Variants in ME2 observed in about 807,000 individuals in gnomAD.
ME2 encodes malic enzyme 2, also known as NAD-dependent malic enzyme, mitochondrial.
Under a neutral mutation model 73.7 loss-of-function variants are expected in ME2, and 60 were observed. The ratio of observed to expected loss-of-function variants is 0.81; its 90% confidence interval spans 0.66 to 1.01. ME2 has a LOEUF of 1.01. Ranked by LOEUF, ME2 falls within the 50% of genes least tolerant of loss-of-function variation. The pLI is 0.00. For missense variants in ME2, 594 were observed against 705.5 expected, an observed-to-expected ratio of 0.84 and a Z score of 1.79; for synonymous variants, 199 against 236.9, an observed-to-expected ratio of 0.84 and a Z score of 1.47.
rs1471575144 is a variant in ME2, at chr18:50,917,437, T to G, written c.559T>G (p.Tyr187Asp). 1.2e-6 allele frequency: 2 copies of G among 1,613,824 alleles called. No homozygotes were observed. The highest frequency in any genetic ancestry group is 3.3e-5 in the Admixed American group (2 of 60,012). ...MGIPVGKLCLYTACAGIRPDR... is the reference protein window; with the variant it reads ...MGIPVGKLCLDTACAGIRPDR... ...AATTCCAGTAGGAAAACTTTGTTTG[T>G]ATACAGCTTGTGCAGGAATACGGCC... Residue 187 changes from tyrosine (Y) to aspartate (D), a missense_variant, in exon 6 of 16, where the codon TAT becomes GAT. Coordinates refer to ENST00000321341, the MANE Select transcript of ME2 (RefSeq NM_002396.5).
intron 13 of ME2, chr18:50,935,187 C>T (rs1329663295): frequency 1.3e-5 from 2 of 151,986 alleles, no homozygotes; most frequent in Non-Finnish European, 1.5e-5. Flanking sequence ...ATAATGGCAT[C>T]CTAGTCCTCA....
At position 50,951,961 on chromosome 18, in the gene ME2, T is replaced by C. The variant is rs995958645; in HGVS notation, c.*4777T>C. ...GGTCAGCTCTGGTGAGCCTATGTAA[T>C]ACTCGAGAACATTAATATAAACCCA... On this transcript the variant is annotated 3_prime_UTR_variant, in exon 16 of 16. Coordinates refer to ENST00000321341, the MANE Select transcript of ME2 (RefSeq NM_002396.5). 6.9e-6 allele frequency: 1 copy of C among 145,610 alleles called. No homozygotes were observed. The highest frequency in any genetic ancestry group is 1.5e-5 in the Non-Finnish European group (1 of 66,880). 9.0% of individuals were successfully genotyped at this position (145,610 alleles called of 1,614,324 possible). A position where few individuals can be genotyped will look rare whatever the true frequency, so the allele number is the denominator to read the frequency against.
intron 3 of ME2, 141 bp downstream of exon 3, chr18:50,908,337 GTTTC>G (rs2144217684): frequency 1.8e-6 from 1 of 565,764 alleles, no homozygotes; most frequent in African/African-American, 1.9e-5. Context: ...TAAAGATTGT[GTTTC>G]TTTCACTTCG....
chr18:50,897,471 A>G (rs1449760601), intron 2 of ME2, among the ~76,000 whole-genome samples: 2 of 152,308 alleles, frequency 1.3e-5, no homozygotes, highest in African/African-American at 4.8e-5. Context: ...CACTCCTGTA[A>G]TCCCAGCACC....
At chr18:50,890,151 A>C (rs1916570569) in intron 1 of ME2, among the ~76,000 whole-genome samples, 1 of 152,226 alleles carries the variant, frequency 6.6e-6, no homozygotes, top group African/African-American at 2.4e-5. Flanking sequence ...AGCATGATGC[A>C]AACAGAATGT....
chr18:50,885,174 A>G (rs1022328315), intron 1 of ME2, among the ~76,000 whole-genome samples: 2 of 152,214 alleles, frequency 1.3e-5, no homozygotes, highest in African/African-American at 4.8e-5. Context: ...TAACTGTAGT[A>G]AATAATGCTA....
At chr18:50,917,656 A>G in intron 6 of ME2, 148 bp downstream of exon 6, 1 of 460,708 alleles carries the variant, frequency 2.2e-6, no homozygotes, top group Non-Finnish European at 3.6e-6. Context: ...ATTTATATAA[A>G]TAATAGTAAA....
Position 50,921,064 on chromosome 18 carries a change from T to C in ME2, c.943-10T>C. Reference sequence around the variant, plus strand: ...CTAGTATATATTAAAATTTATGTTTTGTTGAACAGGCTGCTCTTGGAATTG... The same window carrying C: ...CTAGTATATATTAAAATTTATGTTTCGTTGAACAGGCTGCTCTTGGAATTG... On this transcript the variant is annotated splice_polypyrimidine_tract_variant and intron_variant, in intron 9 of 15. Coordinates refer to ENST00000321341, the MANE Select transcript of ME2 (RefSeq NM_002396.5). The C allele has an allele frequency of 1.4e-6, 2 of 1,430,010 alleles. No individual in the cohort carries two copies. Among genetic ancestry groups the C allele is most frequent in the Non-Finnish European group, 1.9e-6 (2 of 1,041,444 alleles). The allele number at this position is 1,430,010 out of a possible 1,614,324, so 88.6% of individuals were successfully genotyped here. A position where few individuals can be genotyped will look rare whatever the true frequency, so the allele number is the denominator to read the frequency against.
intron 15 of ME2, among the ~76,000 whole-genome samples, chr18:50,940,867 T>C (rs1219170118): frequency 6.6e-6 from 1 of 152,222 alleles, no homozygotes; most frequent in Non-Finnish European, 1.5e-5. Context: ...TATGTGATCA[T>C]TAATGCTGCA....
At chr18:50,914,608 T>G (rs549711339) in intron 4 of ME2, among the ~76,000 whole-genome samples, 1 of 152,374 alleles carries the variant, frequency 6.6e-6, no homozygotes, top group East Asian at 1.9e-4. Flanking sequence ...ATCTAAACTT[T>G]AAGCTAATTA....
chr18:50,886,148 C>G (rs760458675), intron 1 of ME2, among the ~76,000 whole-genome samples: 3 of 142,102 alleles, frequency 2.1e-5, no homozygotes, highest in Non-Finnish European at 4.6e-5. Flanking sequence ...ATACTATATA[C>G]CCACACAAAT....
intron 2 of ME2, among the ~76,000 whole-genome samples, chr18:50,898,202 A>C (rs533210347): frequency 6.6e-6 from 1 of 152,216 alleles, no homozygotes; most frequent in African/African-American, 2.4e-5. Flanking sequence ...TTGAATTCTG[A>C]ATCTTCTTAA....
intron 13 of ME2, chr18:50,933,064 C>T (rs1917736626): frequency 6.6e-6 from 1 of 152,174 alleles, no homozygotes; most frequent in African/African-American, 2.4e-5. Flanking sequence ...TTTTTATTCC[C>T]AATACCTTTT....
At chr18:50,944,774 A>T (rs368506534) in intron 15 of ME2, among the ~76,000 whole-genome samples, 3 of 151,748 alleles carry the variant, frequency 2.0e-5, no homozygotes, top group African/African-American at 7.3e-5. Flanking sequence ...TCTCCCTCCC[A>T]TGCTCTGCCA....
intron 1 of ME2, among the ~76,000 whole-genome samples, chr18:50,885,700 A>G (rs566668938): frequency 2.1e-4 from 32 of 152,084 alleles, no homozygotes; most frequent in Non-Finnish European, 3.8e-4. Context: ...CTGTGCTGCT[A>G]TAATTAACAT....
intron 14 of ME2, chr18:50,939,973 C>G (rs953083068): frequency 7.2e-6 from 3 of 416,228 alleles, no homozygotes; most frequent in East Asian, 9.0e-5. Context: ...TATGGGAGCT[C>G]CAGACTTTGA....
intron 13 of ME2, among the ~76,000 whole-genome samples, chr18:50,938,595 C>T (rs990930591): frequency 6.6e-6 from 1 of 152,154 alleles, no homozygotes; most frequent in Non-Finnish European, 1.5e-5. Context: ...ATGCACTGTT[C>T]TTCAGAAAGC....
intron 1 of ME2, among the ~76,000 whole-genome samples, chr18:50,883,546 A>G (rs1916376094): frequency 6.6e-6 from 1 of 152,178 alleles, no homozygotes; most frequent in African/African-American, 2.4e-5. Flanking sequence ...AGGGCAAGAA[A>G]CCACGGGCAT....
At chr18:50,880,654 G>C (rs529839593) in intron 1 of ME2, among the ~76,000 whole-genome samples, 38 of 152,326 alleles carry the variant, frequency 2.5e-4, no homozygotes, top group African/African-American at 7.9e-4. Context: ...CTGACCTCAA[G>C]TGATCTACCC....
Sources: allele counts gnomAD v4.1 joint callset (sites outside exome capture counted in the v4.1 genomes callset), GRCh38; gene constraint gnomAD v4.1.1; transcripts MANE v1.5; gene names NCBI Gene and HGNC (gene_info 2026-07-23, HGNC 2026-07-21).